Variants in PEX3 observed in about 807,000 individuals in gnomAD.
PEX3 encodes peroxisomal biogenesis factor 3, also known as peroxin-3.
A neutral mutation model predicts 55.8 loss-of-function variants in PEX3; 30 were observed. The observed-to-expected ratio is 0.54, with a 90% confidence interval of 0.40 to 0.73. The LOEUF is 0.73. Among genes scored for constraint, PEX3 ranks in the 30% least tolerant of loss-of-function variants. PEX3 has a pLI of 0.00. For synonymous variants in PEX3, 135 were observed against 148.4 expected (o/e 0.91, Z 0.66); for missense variants, 351 against 432.8 (o/e 0.81, Z 1.68).
intron 1 of PEX3, among the ~76,000 whole-genome samples, chr6:143,457,705 A>G (rs1584002312): frequency 6.6e-6 from 1 of 152,196 alleles, no homozygotes; most frequent in East Asian, 1.9e-4. Flanking sequence ...TTATAATGAA[A>G]CCAAGTTCTG....
chr6:143,483,246 C>T lies in PEX3; in HGVS notation c.942-1906C>T, dbSNP rs1027920672. ...ATGAATCAGGCACTGTATTAGGTTT[C>T]TGTTCCCATAGATCTTACAATCTAA... On this transcript the variant is annotated intron_variant, in intron 10 of 11. Transcript: ENST00000367591. This position sits in a 1 kb window ranked among gnomAD's most constrained non-coding sequence, Gnocchi z 4.3. 6.6e-6 allele frequency among the ~76,000 whole-genome samples: 1 copy of T among 152,116 alleles called. No homozygotes were observed.
chr6:143,470,095 G>A (rs1402432404), intron 4 of PEX3, among the ~76,000 whole-genome samples: 1 of 152,030 alleles, frequency 6.6e-6, no homozygotes, highest in Non-Finnish European at 1.5e-5. Context: ...CTCTACAGGT[G>A]CGTGCTGCCA....
Position 143,485,065 on chromosome 6 carries a change from A to G in PEX3, c.942-87A>G. ...TAATAGATTTCCAAAAATATTCTAC[A>G]ATGGCTATGTATTACTTTTATAATT... On this transcript the variant is annotated intron_variant, in intron 10 of 11. Transcript: ENST00000367591. The surrounding 1 kb of genome is among the most constrained non-coding windows in gnomAD (Gnocchi z 5.6). 1 of 792,266 alleles carries G rather than the reference A, an allele frequency of 1.3e-6. No homozygotes were observed. Among genetic ancestry groups the G allele is most frequent in the South Asian group, 1.4e-5 (1 of 71,380 alleles). 49.1% of individuals were successfully genotyped at this position (792,266 alleles called of 1,614,324 possible).
chr6:143,457,641 A>G (rs1032600976), intron 1 of PEX3, among the ~76,000 whole-genome samples: 7 of 152,206 alleles, frequency 4.6e-5, no homozygotes, highest in African/African-American at 1.4e-4. Flanking sequence ...TGGGGGTCAC[A>G]GACAGTGGGA....
At position 143,458,483 on chromosome 6, in the gene PEX3, A is replaced by C. The variant is rs149990290; in HGVS notation, c.74-602A>C. Among the ~76,000 whole-genome samples, 8 of 152,252 alleles carry C rather than the reference A, an allele frequency of 5.3e-5. No individual in the cohort carries two copies. Among genetic ancestry groups the C allele is most frequent in the African/African-American group, 1.9e-4 (8 of 41,546 alleles). ...TACCTTTCTTTCATTGTTCCTTTTA[A>C]AATTTTTATCTTATAGTTTTAAAAA... On this transcript the variant is annotated intron_variant, in intron 1 of 11. Coordinates refer to ENST00000367591, the MANE Select transcript of PEX3 (RefSeq NM_003630.3). This position sits in a 1 kb window ranked among gnomAD's most constrained non-coding sequence, Gnocchi z 6.1.
intron 1 of PEX3, among the ~76,000 whole-genome samples, chr6:143,457,647 T>C (rs1157555416): frequency 6.6e-6 from 1 of 152,108 alleles, no homozygotes; most frequent in Non-Finnish European, 1.5e-5. Flanking sequence ...TCACAGACAG[T>C]GGGAGGTAGG....
chr6:143,452,506 A>G (rs1177831014), intron 1 of PEX3, among the ~76,000 whole-genome samples: 1 of 152,226 alleles, frequency 6.6e-6, no homozygotes, highest in Non-Finnish European at 1.5e-5. Context: ...CCTTCAGCTT[A>G]TGGAACAACT....
At position 143,451,767 on chromosome 6, in the gene PEX3, A is replaced by G. The variant is rs1310819569; in HGVS notation, c.73+652A>G. On this transcript the variant is annotated intron_variant, in intron 1 of 11. Coordinates refer to ENST00000367591, the MANE Select transcript of PEX3 (RefSeq NM_003630.3). This position sits in a 1 kb window ranked among gnomAD's most constrained non-coding sequence, Gnocchi z 4.1. The stretch of plus-strand genomic sequence containing the variant: ...TTGGGATCATTGTAATCTAGCTGAC[A>G]TAACTGAGTTGCACAGGCCCAGAGG... 6.6e-6 allele frequency among the ~76,000 whole-genome samples: 1 copy of G among 152,238 alleles called. No homozygotes were observed. The highest frequency in any genetic ancestry group is 1.5e-5 in the Non-Finnish European group (1 of 68,044).
In PEX3 at chr6:143,485,307, G is replaced by C. The variant is rs375077153; in HGVS notation, c.1038+59G>C. ...AAATTATATTTGTGGTGGTGGTCATGTTTGTCTAACATAAAGTTACATTCT... is the reference window on the plus strand; with the variant it reads ...AAATTATATTTGTGGTGGTGGTCATCTTTGTCTAACATAAAGTTACATTCT... On this transcript the variant is annotated intron_variant, in intron 11 of 11. Coordinates refer to ENST00000367591, the MANE Select transcript of PEX3 (RefSeq NM_003630.3). This position sits in a 1 kb window ranked among gnomAD's most constrained non-coding sequence, Gnocchi z 5.6. The C allele has an allele frequency of 2.8e-5, 26 of 944,802 alleles. No individual in the cohort carries two copies. The African/African-American group carries it at 4.0e-4, about 15-fold the overall frequency. 58.5% of individuals were successfully genotyped at this position (944,802 alleles called of 1,614,324 possible). A position where few individuals can be genotyped will look rare whatever the true frequency, so the allele number is the denominator to read the frequency against.
In PEX3 at chr6:143,451,271, G is replaced by C. The variant is rs973445855; in HGVS notation, c.73+156G>C. Among the ~76,000 whole-genome samples, 4 of 152,078 alleles carry C rather than the reference G, an allele frequency of 2.6e-5. No individual in the cohort carries two copies. The highest frequency in any genetic ancestry group is 9.7e-5 in the African/African-American group (4 of 41,402). On this transcript the variant is annotated intron_variant, in intron 1 of 11. Coordinates refer to ENST00000367591, the MANE Select transcript of PEX3 (RefSeq NM_003630.3). The surrounding 1 kb of genome is among the most constrained non-coding windows in gnomAD (Gnocchi z 4.1). The stretch of plus-strand genomic sequence containing the variant: ...AAAAGGGAGGTGGCCAACCTCCAGG[G>C]TTCTCCCATCTCTGCAGTTGAGAAA...
At position 143,459,422 on chromosome 6, in the gene PEX3, G is replaced by A. The variant is rs746186473; in HGVS notation, c.205+206G>A. Among the ~76,000 whole-genome samples the A allele has an allele frequency of 3.3e-5, 5 of 152,124 alleles. No individual in the cohort carries two copies. Among genetic ancestry groups the A allele is most frequent in the Non-Finnish European group, 7.4e-5 (5 of 68,026 alleles). ...TTATTTATTCATTTAGCAAATACTT[G>A]TATCCAGGCCTGGGGAAGCAGGAAG... On this transcript the variant is annotated intron_variant, in intron 2 of 11. Coordinates refer to ENST00000367591, the MANE Select transcript of PEX3 (RefSeq NM_003630.3). The surrounding 1 kb of genome is among the most constrained non-coding windows in gnomAD (Gnocchi z 4.2).
At chr6:143,474,975 G>A (rs1331118801) in intron 9 of PEX3, 119 bp downstream of exon 9, 1 of 583,128 alleles carries the variant, frequency 1.7e-6, no homozygotes, top group Non-Finnish European at 3.0e-6. Context: ...TTAAATTTTT[G>A]ACTCTGTTCC....
chr6:143,479,167 C>A lies in PEX3; in HGVS notation c.910C>A (p.Gln304Lys), dbSNP rs1208356042. The A allele has an allele frequency of 3.7e-6, 6 of 1,604,848 alleles. No individual in the cohort carries two copies. Among genetic ancestry groups the A allele is most frequent in the Non-Finnish European group, 5.1e-6 (6 of 1,171,920 alleles). The change falls in exon 10 of 12, where the codon CAG (glutamine) becomes AAG (lysine). Residue 304 changes from glutamine to lysine, a missense_variant. Gln to Lys is a moderately conservative substitution (Grantham distance 53). Coordinates refer to ENST00000367591, the MANE Select transcript of PEX3 (RefSeq NM_003630.3). The surrounding 1 kb of genome is among the most constrained non-coding windows in gnomAD (Gnocchi z 4.6). The part of the protein sequence containing the change: ...NMAEFFRPTE[Q>K]DLQHGNSMNS... ...GGCTGAGTTCTTTCGACCTACTGAA[C>A]AGGACCTGCAACATGGTAACTCTAT...
rs762088940 is a variant in PEX3, at chr6:143,471,417, A to G, written c.491A>G (p.Tyr164Cys). The G allele has an allele frequency of 6.2e-7, 1 of 1,608,732 alleles. No homozygotes were observed. Among genetic ancestry groups the G allele is most frequent in the Non-Finnish European group, 8.5e-7 (1 of 1,175,476 alleles). The change falls in exon 6 of 12, where the codon TAT (tyrosine) becomes TGT (cysteine). Residue 164 changes from tyrosine to cysteine, a missense_variant. Coordinates refer to ENST00000367591, the MANE Select transcript of PEX3 (RefSeq NM_003630.3). The surrounding 1 kb of genome is among the most constrained non-coding windows in gnomAD (Gnocchi z 5.4). Reference protein sequence around the residue: ...ILAPPDVQQQYLSSIQHLLGD... With the variant: ...ILAPPDVQQQCLSSIQHLLGD... ...GCTCCCCCAGATGTCCAACAGCAGT[A>G]TTTATCAAGTATTCAGCACCTACTT...
intron 10 of PEX3, among the ~76,000 whole-genome samples, chr6:143,481,397 A>G (rs1021975077): frequency 5.9e-5 from 9 of 151,882 alleles, no homozygotes; most frequent in African/African-American, 2.2e-4. Flanking sequence ...ACGTACTAGT[A>G]TTCTTCATTT....
rs1779881474 is a variant in PEX3 at position 143,458,835 on chromosome 6, T to G, written c.74-250T>G. The stretch of plus-strand genomic sequence containing the variant: ...TCTACTAGTAAAGGCACTGCCAGAC[T>G]TTTTAGATTTAATTCCTTTCCCTTC... On this transcript the variant is annotated intron_variant, in intron 1 of 11. Transcript: ENST00000367591. This position sits in a 1 kb window ranked among gnomAD's most constrained non-coding sequence, Gnocchi z 6.1. Among the ~76,000 whole-genome samples the G allele has an allele frequency of 6.6e-6, 1 of 152,202 alleles. No individual in the cohort carries two copies. Among genetic ancestry groups the G allele is most frequent in the Admixed American group, 6.5e-5 (1 of 15,276 alleles).
chr6:143,487,413 T>C lies in PEX3; in HGVS notation c.1039-1730T>C, dbSNP rs549933841. 6.6e-6 allele frequency among the ~76,000 whole-genome samples: 1 copy of C among 152,268 alleles called. No individual in the cohort carries two copies. The highest frequency in any genetic ancestry group is 2.1e-4 in the South Asian group (1 of 4,828). ...TATGGCTGCTTTTGCACTACAATGG[T>C]AGTATTTCTCAGATTTGTCCATACA... is the stretch of plus-strand genomic sequence containing the variant. On this transcript the variant is annotated intron_variant, in intron 11 of 11. Transcript: ENST00000367591. This position sits in a 1 kb window ranked among gnomAD's most constrained non-coding sequence, Gnocchi z 5.3.
At position 143,483,221 on chromosome 6, in the gene PEX3, A is replaced by G. The variant is rs1186628446; in HGVS notation, c.942-1931A>G. On this transcript the variant is annotated intron_variant, in intron 10 of 11. Transcript: ENST00000367591. The surrounding 1 kb of genome is among the most constrained non-coding windows in gnomAD (Gnocchi z 4.3). ...ATCTAAGATTTATTGAACACGTGTT[A>G]TGAATCAGGCACTGTATTAGGTTTC... 6.6e-6 allele frequency among the ~76,000 whole-genome samples: 1 copy of G among 152,208 alleles called. No individual in the cohort carries two copies. Among genetic ancestry groups the G allele is most frequent in the African/African-American group, 2.4e-5 (1 of 41,454 alleles).
intron 8 of PEX3, among the ~76,000 whole-genome samples, chr6:143,474,215 C>T (rs945362724): frequency 3.3e-5 from 5 of 151,700 alleles, no homozygotes; most frequent in Non-Finnish European, 5.9e-5. Context: ...TTTGGGAGGC[C>T]GAGGCAGGCG....
Sources: gnomAD v4.1 joint callset for allele counts (sites outside exome capture counted in the v4.1 genomes callset) on GRCh38, gnomAD v4.1.1 for gene constraint, Gnocchi (gnomAD v3.1) non-coding constraint, MANE v1.5 for transcripts, NCBI Gene and HGNC (gene_info 2026-07-23, HGNC 2026-07-21) for gene names.